Variants in SPAG16 observed in about 807,000 individuals in gnomAD.
SPAG16 encodes the protein sperm-associated antigen 16 protein.
SPAG16 carries 86 observed loss-of-function variants against 80.4 expected under a neutral mutation model. The ratio of observed to expected loss-of-function variants is 1.07; its 90% CI spans 0.90 to 1.28. The LOEUF is 1.28. Ranked by LOEUF, SPAG16 falls within the 50% of genes most tolerant of loss-of-function variation. The probability of loss-of-function intolerance (pLI) is 0.00; values close to 1 mark genes in which losing one functional copy is unlikely to be tolerated. For missense variants in SPAG16, 870 were observed against 765.3 expected (o/e 1.14, Z -1.61); for synonymous variants, 294 against 265.9 (o/e 1.11, Z -1.03).
intron 1 of SPAG16, among the ~76,000 whole-genome samples, chr2:213,294,360 C>A (rs1213093319): frequency 6.6e-6 from 1 of 152,074 alleles, no homozygotes; most frequent in African/African-American, 2.4e-5. Flanking sequence ...GCCTTATGAT[C>A]TTTAAAGAGG....
chr2:213,291,108 A>G (rs577342470), intron 1 of SPAG16, among the ~76,000 whole-genome samples: 1 of 152,336 alleles, frequency 6.6e-6, no homozygotes, highest in Non-Finnish European at 1.5e-5. Context: ...GGAAGCTTAG[A>G]GTCAAATCTG....
intron 15 of SPAG16, among the ~76,000 whole-genome samples, chr2:214,330,555 C>T (rs554353340): frequency 1.3e-5 from 2 of 152,286 alleles, no homozygotes; most frequent in South Asian, 4.1e-4. Flanking sequence ...AGTTACAATG[C>T]AGTGGCAACA....
At chr2:214,202,804 C>T (rs1277330788) in intron 15 of SPAG16, among the ~76,000 whole-genome samples, 2 of 152,060 alleles carry the variant, frequency 1.3e-5, no homozygotes, top group Non-Finnish European at 2.9e-5. Context: ...TCCAAACAAA[C>T]GTATTCAAAT....
chr2:214,103,095 A>G (rs965778765), intron 13 of SPAG16, among the ~76,000 whole-genome samples: 1 of 152,088 alleles, frequency 6.6e-6, no homozygotes, highest in African/African-American at 2.4e-5. Context: ...TCCTTTCTCC[A>G]GTGGCATGTG....
chr2:213,313,101 CATT>C (rs1235540664), intron 4 of SPAG16, among the ~76,000 whole-genome samples: 3 of 151,702 alleles, frequency 2.0e-5, no homozygotes, highest in Admixed American at 6.6e-5. Flanking sequence ...TTTCCCCATT[CATT>C]ATTAAGTTTA....
chr2:213,598,724 G>T (rs2060962076), intron 10 of SPAG16, among the ~76,000 whole-genome samples: 1 of 152,116 alleles, frequency 6.6e-6, no homozygotes, highest in African/African-American at 2.4e-5. Context: ...CTCCTTTTGT[G>T]GGGAAAGAGG....
intron 10 of SPAG16, among the ~76,000 whole-genome samples, chr2:213,534,734 A>G (rs1446179565): frequency 2.0e-5 from 3 of 152,110 alleles, no homozygotes; most frequent in Non-Finnish European, 2.9e-5. Flanking sequence ...TGAAGGGGAA[A>G]GGGAATGAAA....
At position 213,947,576 on chromosome 2, in the gene SPAG16, T is replaced by C. The variant is rs372241327; in HGVS notation, c.1400+17431T>C. On this transcript the variant is annotated intron_variant, in intron 12 of 15. Coordinates refer to ENST00000331683, the MANE Select transcript of SPAG16 (RefSeq NM_024532.5). The stretch of plus-strand genomic sequence containing the variant: ...TTGAGTTTCTGTTGAAAGTGCCCTG[T>C]GTATTCTGGATATACATCGTTTGTC... Among the ~76,000 whole-genome samples the C allele has an allele frequency of 5.7e-4, 87 of 152,314 alleles. No homozygotes were observed. In the East Asian group the frequency reaches 0.013, roughly 22 times the overall value.
intron 12 of SPAG16, among the ~76,000 whole-genome samples, chr2:214,012,285 T>TG (rs2047339074): frequency 1.9e-5 from 1 of 52,102 alleles, no homozygotes; most frequent in African/African-American, 1.0e-4. Context: ...TATATATATA[T>TG]ATATTTTTTT....
chr2:213,476,306 C>T (rs565417224), intron 9 of SPAG16, among the ~76,000 whole-genome samples: 8 of 152,316 alleles, frequency 5.3e-5, no homozygotes, highest in Admixed American at 1.3e-4. Flanking sequence ...CCAGTAATGT[C>T]GAGGCATGGC....
intron 12 of SPAG16, among the ~76,000 whole-genome samples, chr2:213,983,445 C>A (rs1472738150): frequency 6.6e-6 from 1 of 151,694 alleles, no homozygotes; most frequent in Non-Finnish European, 1.5e-5. Context: ...TTTACTGATG[C>A]CTTAGGTATT....
intron 10 of SPAG16, among the ~76,000 whole-genome samples, chr2:213,648,372 A>G (rs1435626550): frequency 6.6e-6 from 1 of 152,140 alleles, no homozygotes; most frequent in Non-Finnish European, 1.5e-5. Flanking sequence ...GTATAACAAA[A>G]CTCTATATTC....
intron 10 of SPAG16, among the ~76,000 whole-genome samples, chr2:213,802,395 CTCTA>C (rs58879510): frequency 0.084 from 12,419 of 148,018 alleles, 669 homozygotes; most frequent in African/African-American, 0.15. Flanking sequence ...TGATTCATGT[CTCTA>C]TCTATCTATC....
intron 8 of SPAG16, among the ~76,000 whole-genome samples, chr2:213,366,067 G>T (rs1268827885): frequency 6.8e-6 from 1 of 147,972 alleles, no homozygotes; most frequent in East Asian, 2.0e-4. Flanking sequence ...GTGTGAACCC[G>T]GGAGGCGGAG....
chr2:213,593,468 A>T (rs1286275983), intron 10 of SPAG16, among the ~76,000 whole-genome samples: 1 of 152,190 alleles, frequency 6.6e-6, no homozygotes, highest in African/African-American at 2.4e-5. Flanking sequence ...ATAAGTTAAA[A>T]GTATACCTTT....
At chr2:213,606,113 T>A (rs2061251457) in intron 10 of SPAG16, among the ~76,000 whole-genome samples, 1 of 152,192 alleles carries the variant, frequency 6.6e-6, no homozygotes. Context: ...ATAATATTGC[T>A]GAGATGTATC....
chr2:214,045,578 G>C (rs1243750749), intron 13 of SPAG16, among the ~76,000 whole-genome samples: 2 of 152,146 alleles, frequency 1.3e-5, no homozygotes, highest in African/African-American at 4.8e-5. Context: ...AGAGCACCAA[G>C]CAGGCTGTCC....
At chr2:214,034,866 G>C (rs912896936) in intron 13 of SPAG16, among the ~76,000 whole-genome samples, 2 of 152,232 alleles carry the variant, frequency 1.3e-5, no homozygotes, top group Non-Finnish European at 2.9e-5. Flanking sequence ...CAAGGGCCAT[G>C]TTTTAGCCTT....
At chr2:213,604,100 C>A (rs1446564172) in intron 10 of SPAG16, among the ~76,000 whole-genome samples, 1 of 152,130 alleles carries the variant, frequency 6.6e-6, no homozygotes, top group Non-Finnish European at 1.5e-5. Flanking sequence ...CCATGTTGGC[C>A]AGGCTGGTCT....
Sources: gnomAD v4.1 joint callset for allele counts (sites outside exome capture counted in the v4.1 genomes callset) on GRCh38, gnomAD v4.1.1 for gene constraint, MANE v1.5 for transcripts, NCBI Gene and HGNC (gene_info 2026-07-23, HGNC 2026-07-21) for gene names.